PPARGC1A: variants seen among roughly 807,000 people sequenced by gnomAD.
The protein encoded by PPARGC1A is PPARG coactivator 1 alpha, also known as peroxisome proliferator-activated receptor gamma coactivator 1-alpha.
A neutral mutation model predicts 88.7 loss-of-function variants in PPARGC1A; 25 were observed. The ratio of observed to expected loss-of-function variants is 0.28; its 90% CI spans 0.21 to 0.39. PPARGC1A has a LOEUF of 0.39. PPARGC1A is among the 10% of genes least tolerant of loss of function. The pLI is 1.00. For missense variants in PPARGC1A, 880 were observed against 968.7 expected (o/e 0.91, Z 1.22); for synonymous variants, 363 against 355.6 (o/e 1.02, Z -0.24).
the PPARGC1A span, among the ~76,000 whole-genome samples, chr4:24,052,798 TAAAC>T: frequency 6.7e-6 from 1 of 149,324 alleles, no homozygotes; most frequent in Admixed American, 6.7e-5. Context: ...ATGTGGTAAA[TAAAC>T]ATTTTGATTT....
chr4:23,838,856 T>C (rs1224754390), intron 2 of PPARGC1A, among the ~76,000 whole-genome samples: 1 of 152,288 alleles, frequency 6.6e-6, no homozygotes, highest in East Asian at 1.9e-4. Flanking sequence ...AATGCACATA[T>C]ATATCTCAAT....
chr4:24,430,736 A>AG, the PPARGC1A span, among the ~76,000 whole-genome samples: 1 of 152,090 alleles, frequency 6.6e-6, no homozygotes, highest in Non-Finnish European at 1.5e-5. Context: ...GAACTGAACT[A>AG]GGAAACCCTG....
At chr4:24,111,714 T>G in the PPARGC1A span, among the ~76,000 whole-genome samples, 2 of 152,194 alleles carry the variant, frequency 1.3e-5, no homozygotes, top group African/African-American at 4.8e-5. Context: ...AGAAGCTAAT[T>G]GCATGCTTAG....
At chr4:24,422,420 G>A in the PPARGC1A span, among the ~76,000 whole-genome samples, 3 of 152,230 alleles carry the variant, frequency 2.0e-5, no homozygotes, top group East Asian at 5.8e-4. Flanking sequence ...GCTGACAGGG[G>A]CCTCCATTTC....
At chr4:24,059,217 G>A in the PPARGC1A span, among the ~76,000 whole-genome samples, 36 of 152,160 alleles carry the variant, frequency 2.4e-4, no homozygotes, top group African/African-American at 8.2e-4. Context: ...ATGTAAAAGT[G>A]TGCTTTTTAA....
chr4:24,232,462 A>G, the PPARGC1A span, among the ~76,000 whole-genome samples: 10 of 152,334 alleles, frequency 6.6e-5, no homozygotes, highest in East Asian at 5.8e-4. Context: ...GAATGCCTGC[A>G]GACTAATGTT....
At chr4:24,388,217 C>G in the PPARGC1A span, among the ~76,000 whole-genome samples, 14 of 150,722 alleles carry the variant, frequency 9.3e-5, no homozygotes, top group African/African-American at 2.9e-4. Context: ...ATGTGGCCAA[C>G]AAACATATGA....
the PPARGC1A span, among the ~76,000 whole-genome samples, chr4:24,431,007 C>T: frequency 6.6e-6 from 1 of 151,420 alleles, no homozygotes; most frequent in East Asian, 1.9e-4. Context: ...GCCTGGTAAT[C>T]CCAGCTACTC....
At chr4:24,301,694 A>G in the PPARGC1A span, among the ~76,000 whole-genome samples, 1 of 147,476 alleles carries the variant, frequency 6.8e-6, no homozygotes, top group Non-Finnish European at 1.5e-5. Flanking sequence ...TTTAAGTTTT[A>G]TTTTATTTTT....
chr4:24,415,627 G>C, the PPARGC1A span, among the ~76,000 whole-genome samples: 1 of 152,134 alleles, frequency 6.6e-6, no homozygotes, highest in East Asian at 1.9e-4. Flanking sequence ...TGTATGTGTT[G>C]CCAGAACACT....
the PPARGC1A span, among the ~76,000 whole-genome samples, chr4:24,158,249 A>G: frequency 2.6e-5 from 4 of 152,126 alleles, no homozygotes; most frequent in Non-Finnish European, 5.9e-5. Context: ...CTGTTCTACC[A>G]TGAGAACCTC....
chr4:24,087,307 T>A, the PPARGC1A span, among the ~76,000 whole-genome samples: 1 of 152,184 alleles, frequency 6.6e-6, no homozygotes, highest in Admixed American at 6.5e-5. Flanking sequence ...TCACTTAGTT[T>A]TGACAAACAT....
chr4:23,929,982 A>C, the PPARGC1A span, among the ~76,000 whole-genome samples: 105 of 152,256 alleles, frequency 6.9e-4, 2 homozygotes, highest in East Asian at 0.019. Context: ...TCCTCAAAAC[A>C]TGGCTGATAT....
chr4:24,308,446 A>G, the PPARGC1A span, among the ~76,000 whole-genome samples: 2 of 152,164 alleles, frequency 1.3e-5, no homozygotes, highest in Non-Finnish European at 2.9e-5. Flanking sequence ...TTTTTTTAAC[A>G]AGCACAGATA....
chr4:23,828,743 T>A (rs557380459), intron 4 of PPARGC1A, 139 bp from the exon 5 acceptor site: 4 of 717,530 alleles, frequency 5.6e-6, no homozygotes. Context: ...TGAATAACTG[T>A]TTGCAGAACA....
chr4:24,438,682 CA>C, the PPARGC1A span, among the ~76,000 whole-genome samples: 2 of 152,110 alleles, frequency 1.3e-5, no homozygotes, highest in Non-Finnish European at 2.9e-5. Flanking sequence ...TTTATGTTCT[CA>C]AAACCTGCCA....
chr4:23,893,412 G>C (rs1718134894), upstream of PPARGC1A, among the ~76,000 whole-genome samples: 1 of 152,218 alleles, frequency 6.6e-6, no homozygotes, highest in African/African-American at 2.4e-5. Context: ...TTGAATATAG[G>C]TGATTTCAGA....
At chr4:24,236,273 A>G in the PPARGC1A span, among the ~76,000 whole-genome samples, 1 of 152,246 alleles carries the variant, frequency 6.6e-6, no homozygotes, top group East Asian at 1.9e-4. Context: ...ATCTAAGGAC[A>G]AAAAACACTC....
At chr4:24,358,713 G>A in the PPARGC1A span, among the ~76,000 whole-genome samples, 1 of 152,202 alleles carries the variant, frequency 6.6e-6, no homozygotes, top group Non-Finnish European at 1.5e-5. Flanking sequence ...CATGCCTTGT[G>A]AAAAACCTCC....
Sources: allele counts gnomAD v4.1 joint callset (sites outside exome capture counted in the v4.1 genomes callset), GRCh38; gene constraint gnomAD v4.1.1; transcripts MANE v1.5; gene names NCBI Gene and HGNC (gene_info 2026-07-23, HGNC 2026-07-21).